Variants in RUNX1 observed in about 807,000 individuals in gnomAD.
RUNX1 encodes the protein RUNX family transcription factor 1.
A neutral mutation model predicts 42.8 loss-of-function variants in RUNX1; 19 were observed. The ratio of observed to expected loss-of-function variants is 0.44; its 90% CI spans 0.31 to 0.65. The LOEUF is 0.65. Among genes scored for constraint, RUNX1 ranks in the 30% least tolerant of loss-of-function variants. The pLI is 0.07. For missense variants in RUNX1, 528 were observed against 672.0 expected (o/e 0.79, Z 2.37); for synonymous variants, 271 against 289.4 (o/e 0.94, Z 0.64).
chr21:35,048,833 T>C lies in RUNX1; in HGVS notation c.58+9A>G, dbSNP rs553468449. ...AAAAGTAGATATTACAAGACCAGCA[T>C]GTACTCACCTCTCATGAAGCACTGT... is the stretch of plus-strand genomic sequence containing the variant. On this transcript the variant is annotated intron_variant, in intron 2 of 8. Transcript: ENST00000675419. The C allele has an allele frequency of 7.5e-6, 12 of 1,610,362 alleles. No individual in the cohort carries two copies. The highest frequency in any genetic ancestry group is 2.2e-5 in the East Asian group (1 of 44,858).
intron 6 of RUNX1, among the ~76,000 whole-genome samples, chr21:34,834,827 C>A (rs1019851868): frequency 1.3e-5 from 2 of 152,166 alleles, no homozygotes; most frequent in African/African-American, 2.4e-5. Flanking sequence ...AGAGTGCTCC[C>A]CCAGTCTGGG....
rs964381667 is a variant in RUNX1 at position 34,907,705 on chromosome 21, C to T, written c.59-14742G>A. 4.6e-5 allele frequency among the ~76,000 whole-genome samples: 7 copies of T among 152,172 alleles called. No homozygotes were observed. The highest frequency in any genetic ancestry group is 1.2e-4 in the African/African-American group (5 of 41,450). On this transcript the variant is annotated intron_variant, in intron 2 of 8. Coordinates refer to ENST00000675419, the MANE Select transcript of RUNX1 (RefSeq NM_001754.5). The surrounding 1 kb of genome is among the most constrained non-coding windows in gnomAD (Gnocchi z 5.3). ...ATCAAGAAAACCAATTAAATCATAA[C>T]TGCCGAAGTGCCTTGTCAAGCTAAA...
chr21:35,004,179 T>A (rs1241493444), intron 2 of RUNX1, among the ~76,000 whole-genome samples: 1 of 152,254 alleles, frequency 6.6e-6, no homozygotes, highest in Non-Finnish European at 1.5e-5. Context: ...TCATCGTGAC[T>A]CTGCCAGCCA....
intron 6 of RUNX1, among the ~76,000 whole-genome samples, chr21:34,842,283 A>T: frequency 6.6e-6 from 1 of 152,092 alleles, no homozygotes; most frequent in Admixed American, 6.6e-5. Flanking sequence ...ACTTGAGGTC[A>T]GGAGTTCAAG....
chr21:34,851,634 A>G (rs1249072484), intron 6 of RUNX1, among the ~76,000 whole-genome samples: 1 of 152,122 alleles, frequency 6.6e-6, no homozygotes, highest in Admixed American at 6.5e-5. Context: ...TCTAACAAGG[A>G]CTGCAATATA....
intron 1 of RUNX1, 78 bp downstream of exon 1, chr21:35,049,090 A>C (rs914721588): frequency 1.7e-6 from 1 of 599,386 alleles, no homozygotes; most frequent in Non-Finnish European, 3.0e-6. Flanking sequence ...CCTTTGTAAA[A>C]ACAAATATTC....
chr21:35,037,377 A>G (rs893155316), intron 2 of RUNX1, among the ~76,000 whole-genome samples: 7 of 152,308 alleles, frequency 4.6e-5, no homozygotes, highest in African/African-American at 1.7e-4. Flanking sequence ...AGAGGTCTGG[A>G]TACCAGTGGT....
chr21:34,997,121 A>G (rs1315611573), intron 2 of RUNX1, among the ~76,000 whole-genome samples: 3 of 152,252 alleles, frequency 2.0e-5, no homozygotes, highest in African/African-American at 7.2e-5. Flanking sequence ...ACTTTCTATC[A>G]TTATGTGATG....
chr21:34,916,899 GC>G (rs2058315907), intron 2 of RUNX1, among the ~76,000 whole-genome samples: 1 of 152,154 alleles, frequency 6.6e-6, no homozygotes, highest in South Asian at 2.1e-4. Context: ...TTTGGGAAAG[GC>G]ATCATGATTG....
chr21:34,847,606 T>C (rs1569049721), intron 6 of RUNX1, among the ~76,000 whole-genome samples: 1 of 152,304 alleles, frequency 6.6e-6, no homozygotes, highest in Non-Finnish European at 1.5e-5. Context: ...GCAGAACTCA[T>C]AGTATTATTC....
intron 5 of RUNX1, among the ~76,000 whole-genome samples, chr21:34,871,678 G>A (rs1006775493): frequency 3.3e-5 from 5 of 152,164 alleles, no homozygotes; most frequent in East Asian, 1.9e-4. Context: ...ATCTGTCTGC[G>A]GGTGGCATCT....
At chr21:34,947,466 T>C (rs1299235330) in intron 2 of RUNX1, among the ~76,000 whole-genome samples, 1 of 152,344 alleles carries the variant, frequency 6.6e-6, no homozygotes, top group African/African-American at 2.4e-5. Context: ...TCTCACATTT[T>C]ATTATTTATA....
At chr21:34,914,891 T>TACAC (rs2058300177) in intron 2 of RUNX1, among the ~76,000 whole-genome samples, 1 of 152,218 alleles carries the variant, frequency 6.6e-6, no homozygotes, top group East Asian at 1.9e-4. Context: ...TTGCATGTCC[T>TACAC]TCAATCTGAG....
chr21:34,804,983 C>G (rs377660249), intron 7 of RUNX1, among the ~76,000 whole-genome samples: 91 of 152,126 alleles, frequency 6.0e-4, no homozygotes, highest in African/African-American at 2.0e-3. Flanking sequence ...GAACTCCTGA[C>G]CCCAGGTGAT....
chr21:34,810,226 T>A lies in RUNX1; in HGVS notation c.806-10764A>T, dbSNP rs8129504. Among the ~76,000 whole-genome samples the A allele has an allele frequency of 6.2e-4, 94 of 152,398 alleles. 1 individual carries two copies. The Middle Eastern group carries it at 0.01, about 17-fold the overall frequency. On this transcript the variant is annotated intron_variant, in intron 7 of 8. Transcript: ENST00000675419. ...GATGTTGTAAAATGTTAGAACTGTTTGAAAAATTCTAGAGTGGCTTGAAGC... is the reference window on the plus strand; with the variant it reads ...GATGTTGTAAAATGTTAGAACTGTTAGAAAAATTCTAGAGTGGCTTGAAGC...
chr21:34,908,758 C>T (rs967708800), intron 2 of RUNX1, among the ~76,000 whole-genome samples: 3 of 152,196 alleles, frequency 2.0e-5, no homozygotes, highest in African/African-American at 7.2e-5. Flanking sequence ...TTTTATCAGA[C>T]ACATTTTATC....
At chr21:34,849,287 T>G (rs1196865739) in intron 6 of RUNX1, among the ~76,000 whole-genome samples, 2 of 60,806 alleles carry the variant, frequency 3.3e-5, no homozygotes, top group African/African-American at 6.4e-5. Flanking sequence ...ATAATATATA[T>G]TATATATAAA....
intron 3 of RUNX1, chr21:34,889,539 C>A (rs769967552): frequency 2.2e-6 from 1 of 455,882 alleles, no homozygotes; most frequent in Non-Finnish European, 3.0e-6. Flanking sequence ...CGGCTTGCTC[C>A]CGGGCCTTGT....
rs2059422785 is a variant in RUNX1 at position 35,049,291 on chromosome 21, G to T, written c.-183C>A. The T allele has an allele frequency of 9.2e-6, 2 of 217,100 alleles. No individual in the cohort carries two copies. The highest frequency in any genetic ancestry group is 1.9e-5 in the Non-Finnish European group (2 of 105,456). The allele number at this position is 217,100 out of a possible 1,614,324, so 13.4% of individuals were successfully genotyped here. Reference sequence around the variant, plus strand: ...TTGTGGTTCTGTGGTTGTTTATGAGGCCCAAAGAAGTTTTCACACAACCCA... The same window carrying T: ...TTGTGGTTCTGTGGTTGTTTATGAGTCCCAAAGAAGTTTTCACACAACCCA... On this transcript the variant is annotated 5_prime_UTR_variant, in exon 1 of 9. Coordinates refer to ENST00000675419, the MANE Select transcript of RUNX1 (RefSeq NM_001754.5).
Sources: gnomAD v4.1 joint callset for allele counts (sites outside exome capture counted in the v4.1 genomes callset) on GRCh38, gnomAD v4.1.1 for gene constraint, Gnocchi (gnomAD v3.1) non-coding constraint, MANE v1.5 for transcripts, NCBI Gene and HGNC (gene_info 2026-07-23, HGNC 2026-07-21) for gene names.